COL6A6: variants seen among roughly 807,000 people sequenced by gnomAD.
The protein encoded by COL6A6 is collagen type VI alpha 6 chain, also known as collagen alpha-6(VI) chain.
In COL6A6, 183 loss-of-function variants were observed where a neutral mutation model predicts 208.6. The ratio of observed to expected loss-of-function variants is 0.88; its 90% CI spans 0.78 to 0.99. The LOEUF (loss-of-function observed/expected upper bound fraction) is 0.99. COL6A6 is among the 50% of genes least tolerant of loss of function. The probability of loss-of-function intolerance (pLI) is 0.00; values close to 1 mark genes in which losing one functional copy is unlikely to be tolerated. For missense variants in COL6A6, 2,816 were observed against 2,815.2 expected (o/e 1.00, Z -0.01); for synonymous variants, 973 against 1,011.8 (o/e 0.96, Z 0.73).
chr3:130,587,324 G>A (rs1019617676), intron 11 of COL6A6, among the ~76,000 whole-genome samples: 1 of 152,198 alleles, frequency 6.6e-6, no homozygotes, highest in African/African-American at 2.4e-5. Flanking sequence ...GCAGTGTTGT[G>A]ATCTCAGCTT....
At chr3:130,606,901 T>C (rs746630353) in intron 20 of COL6A6, 30 bp from the exon 21 acceptor site, 19 of 1,590,586 alleles carry the variant, frequency 1.2e-5, no homozygotes, top group Non-Finnish European at 1.4e-5. Flanking sequence ...TTTTCTGAAT[T>C]AATGATATCC....
chr3:130,641,395 A>G (rs2065304374), intron 28 of COL6A6, among the ~76,000 whole-genome samples: 1 of 152,228 alleles, frequency 6.6e-6, no homozygotes. Flanking sequence ...GAGTTTTAAA[A>G]AGGAATATAT....
intron 1 of COL6A6, among the ~76,000 whole-genome samples, chr3:130,546,028 T>A (rs1050013663): frequency 5.3e-5 from 8 of 152,224 alleles, no homozygotes; most frequent in Non-Finnish European, 1.0e-4. Context: ...GTCATTTTTC[T>A]GTTTTTCAGT....
chr3:130,542,645 G>T (rs1234445601), intron 1 of COL6A6, among the ~76,000 whole-genome samples: 1 of 151,974 alleles, frequency 6.6e-6, no homozygotes, highest in Non-Finnish European at 1.5e-5. Flanking sequence ...CTATAATAGT[G>T]GATTCATCTG....
At chr3:130,624,192 G>T (rs1424318734) in intron 24 of COL6A6, among the ~76,000 whole-genome samples, 1 of 152,176 alleles carries the variant, frequency 6.6e-6, no homozygotes, top group Non-Finnish European at 1.5e-5. Context: ...ATATTGGTTT[G>T]TTTTTAATGA....
chr3:130,675,254 G>A lies in COL6A6; in HGVS notation c.6649G>A (p.Ala2217Thr), dbSNP rs754215008. ...ATLKEDVLQK[A>T]KFFQDKKYLS... ...CCTCAAAGAAGATGTATTACAGAAG[G>A]CAAAATTCTTTCAAGATAAAAAATA... The change falls in exon 37 of 37, where the codon GCA becomes ACA. Residue 2217 changes from alanine to threonine, a missense_variant. Transcript: ENST00000358511. 13 of 1,586,990 alleles carry A rather than the reference G, an allele frequency of 8.2e-6. No individual in the cohort carries two copies. Among genetic ancestry groups the A allele is most frequent in the African/African-American group, 1.3e-5 (1 of 74,452 alleles).
intron 33 of COL6A6, among the ~76,000 whole-genome samples, chr3:130,657,235 T>C (rs1394362304): frequency 6.6e-6 from 1 of 152,226 alleles, no homozygotes; most frequent in Admixed American, 6.5e-5. Context: ...CAGCCCCGAC[T>C]GTACTCAGGT....
intron 32 of COL6A6, among the ~76,000 whole-genome samples, chr3:130,647,158 T>C (rs2065484683): frequency 6.6e-6 from 1 of 152,184 alleles, no homozygotes; most frequent in South Asian, 2.1e-4. Context: ...CCTTCCCTTT[T>C]TGAGGAGGGC....
intron 24 of COL6A6, among the ~76,000 whole-genome samples, chr3:130,623,382 C>G (rs1049746381): frequency 6.6e-6 from 1 of 152,140 alleles, no homozygotes; most frequent in African/African-American, 2.4e-5. Context: ...TTGCTTGAAT[C>G]CAGGAGGTGG....
At chr3:130,608,763 CTTTTTTTTTTTTT>C (rs752049202) in intron 21 of COL6A6, 126 bp from the exon 22 acceptor site, 45 of 310,152 alleles carry the variant, frequency 1.5e-4, no homozygotes, top group South Asian at 1.4e-3. Flanking sequence ...TATTTTTCAC[CTTTTTTTTTTTTT>C]TTTTTTTTTT....
intron 1 of COL6A6, among the ~76,000 whole-genome samples, chr3:130,525,629 G>A (rs1360715380): frequency 6.6e-6 from 1 of 151,784 alleles, no homozygotes; most frequent in African/African-American, 2.4e-5. Context: ...GTCGATCTCG[G>A]GAAAAAGACA....
intron 4 of COL6A6, among the ~76,000 whole-genome samples, chr3:130,565,916 C>T (rs896972760): frequency 2.0e-5 from 3 of 152,168 alleles, no homozygotes; most frequent in African/African-American, 7.2e-5. Context: ...TTTTGTCTTT[C>T]TCTCTTTTGC....
chr3:130,625,568 C>A (rs1180124885), intron 24 of COL6A6, among the ~76,000 whole-genome samples: 1 of 152,098 alleles, frequency 6.6e-6, no homozygotes, highest in Non-Finnish European at 1.5e-5. Context: ...CCAGTCTAAT[C>A]AGAAAAACAG....
At position 130,563,649 on chromosome 3, in the gene COL6A6, G is replaced by C; in HGVS notation, c.646G>C (p.Asp216His). Residue 216 changes from aspartate to histidine, a missense_variant, in exon 3 of 37, where the codon GAC (aspartate) becomes CAC (histidine). Coordinates refer to ENST00000358511, the MANE Select transcript of COL6A6 (RefSeq NM_001102608.3). Reference sequence around the variant, plus strand: ...AAAGTACAAGGAGGGAGCAGTTGATGACATCTTTGTAGAAGGTGGGCTTAG... The same window carrying C: ...AAAGTACAAGGAGGGAGCAGTTGATCACATCTTTGTAGAAGGTGGGCTTAG... ...VIKYKEGAVDDIFVEACQGPS... is the reference protein window; with the variant it reads ...VIKYKEGAVDHIFVEACQGPS... 2 of 1,609,776 alleles carry C rather than the reference G, an allele frequency of 1.2e-6. No homozygotes were observed. The highest frequency in any genetic ancestry group is 1.7e-5 in the Admixed American group (1 of 59,926).
intron 11 of COL6A6, among the ~76,000 whole-genome samples, chr3:130,588,303 T>C (rs1372797237): frequency 6.6e-6 from 1 of 152,238 alleles, no homozygotes; most frequent in Non-Finnish European, 1.5e-5. Flanking sequence ...AAAGATTGGT[T>C]CTGCCCCACT....
At chr3:130,641,078 C>T (rs1329238607) in intron 28 of COL6A6, among the ~76,000 whole-genome samples, 3 of 152,166 alleles carry the variant, frequency 2.0e-5, no homozygotes, top group Non-Finnish European at 4.4e-5. Context: ...ATTATTAATG[C>T]CTGACAGTAA....
At chr3:130,531,061 G>GTCTCTCTCTCTCTCTCTC (rs10662894) in intron 1 of COL6A6, among the ~76,000 whole-genome samples, 17 of 136,580 alleles carry the variant, frequency 1.2e-4, no homozygotes, top group African/African-American at 3.8e-4. Context: ...CACACACACA[G>GTCTCTCTCTCTCTCTCTC]TCTCTCTCTC....
intron 1 of COL6A6, among the ~76,000 whole-genome samples, chr3:130,548,209 G>T (rs920449468): frequency 6.6e-6 from 1 of 152,192 alleles, no homozygotes; most frequent in Non-Finnish European, 1.5e-5. Context: ...AGAAAGTCTT[G>T]TAATTTTTTC....
chr3:130,525,210 G>A (rs1272909907), intron 1 of COL6A6, among the ~76,000 whole-genome samples: 1 of 152,122 alleles, frequency 6.6e-6, no homozygotes, highest in Non-Finnish European at 1.5e-5. Flanking sequence ...CAGGTAATCT[G>A]GAAAATGTGT....
Sources: gnomAD v4.1 joint callset for allele counts (sites outside exome capture counted in the v4.1 genomes callset) on GRCh38, gnomAD v4.1.1 for gene constraint, MANE v1.5 for transcripts, NCBI Gene and HGNC (gene_info 2026-07-23, HGNC 2026-07-21) for gene names.